The following VASH2 variants were observed in gnomAD, a reference collection of about 807,000 sequenced individuals.
VASH2 encodes tubulinyl-Tyr carboxypeptidase 2.
In VASH2, 28 loss-of-function variants were observed where a neutral mutation model predicts 37.2. The observed-to-expected ratio is 0.75, with a 90% CI of 0.56 to 1.03. VASH2 has a LOEUF of 1.03. Among genes scored for constraint, VASH2 ranks in the 50% least tolerant of loss-of-function variants. VASH2 has a pLI of 0.00. For synonymous variants in VASH2, 188 were observed against 174.7 expected, an observed-to-expected ratio of 1.08 and a Z score of -0.60; for missense variants, 419 against 459.1, an observed-to-expected ratio of 0.91 and a Z score of 0.80.
At chr1:212,964,845 A>C (rs1187972764) in intron 3 of VASH2, among the ~76,000 whole-genome samples, 1 of 151,260 alleles carries the variant, frequency 6.6e-6, no homozygotes, top group Non-Finnish European at 1.5e-5. Flanking sequence ...ATCCATCCAT[A>C]TATTCATCCA....
intron 5 of VASH2, 111 bp from the exon 6 acceptor site, chr1:212,972,469 T>C (rs1416045812): frequency 1.5e-6 from 2 of 1,361,864 alleles, no homozygotes; most frequent in Non-Finnish European, 2.0e-6. Flanking sequence ...GTGGGCCTGC[T>C]CAGAGGCAGG....
chr1:212,965,843 T>C (rs955268992), intron 4 of VASH2, 65 bp downstream of exon 4: 9 of 1,443,520 alleles, frequency 6.2e-6, no homozygotes, highest in South Asian at 3.7e-5. Context: ...CAGCTTCCTC[T>C]CCCAACCTCT....
chr1:212,953,235 G>A (rs76293249), intron 2 of VASH2, among the ~76,000 whole-genome samples: 3 of 151,664 alleles, frequency 2.0e-5, no homozygotes, highest in Non-Finnish European at 2.9e-5. Flanking sequence ...GTGCGCGGGG[G>A]GGGGTGCATT....
At chr1:212,954,710 G>T (rs929889272) in intron 2 of VASH2, among the ~76,000 whole-genome samples, 5 of 152,106 alleles carry the variant, frequency 3.3e-5, no homozygotes, top group African/African-American at 7.2e-5. Flanking sequence ...GAGCCACTGC[G>T]CCCAGCTGGT....
At chr1:212,977,079 A>G (rs2935217) in intron 7 of VASH2, among the ~76,000 whole-genome samples, 150,552 of 152,138 alleles carry the variant, frequency 0.99, 74,517 homozygotes, top group East Asian at 1. Flanking sequence ...AAGGAGAAGC[A>G]CTATGCACTG....
intron 7 of VASH2, among the ~76,000 whole-genome samples, chr1:212,976,309 G>C (rs938728291): frequency 6.6e-6 from 1 of 152,184 alleles, no homozygotes. Flanking sequence ...GGCTGGGCAT[G>C]GTGGTTCACA....
chr1:212,975,796 C>G (rs971186624), intron 7 of VASH2, among the ~76,000 whole-genome samples: 1 of 152,206 alleles, frequency 6.6e-6, no homozygotes, highest in Non-Finnish European at 1.5e-5. Flanking sequence ...CAATCTTCAG[C>G]AAATGTCGAG....
chr1:212,985,480 C>T (rs1335357124), intron 7 of VASH2, among the ~76,000 whole-genome samples: 2 of 150,278 alleles, frequency 1.3e-5, no homozygotes, highest in Non-Finnish European at 3.0e-5. Context: ...AGTGCAGTGG[C>T]ACGATCTTGG....
rs561120862 is a variant in VASH2 at position 212,989,926 on chromosome 1, T to C, written c.*1342T>C. The C allele has an allele frequency of 3.3e-5, 5 of 152,304 alleles. No homozygotes were observed. Among genetic ancestry groups the C allele is most frequent in the African/African-American group, 9.6e-5 (4 of 41,572 alleles). 9.4% of individuals were successfully genotyped at this position (152,304 alleles called of 1,614,324 possible). On this transcript the variant is annotated 3_prime_UTR_variant, in exon 8 of 8. Coordinates refer to ENST00000517399, the MANE Select transcript of VASH2 (RefSeq NM_001301056.2). ...AGAGTACAGCTTCAATTTCATTTGCTTTATCTTAGCAACAATGCCAACTCA... is the reference window on the plus strand; with the variant it reads ...AGAGTACAGCTTCAATTTCATTTGCCTTATCTTAGCAACAATGCCAACTCA...
chr1:212,983,423 A>G (rs956370738), intron 7 of VASH2, among the ~76,000 whole-genome samples: 1 of 152,222 alleles, frequency 6.6e-6, no homozygotes, highest in African/African-American at 2.4e-5. Context: ...GGAAAGAAAG[A>G]GAGCAAGCAC....
rs1360724017 is a variant in VASH2 at position 212,965,587 on chromosome 1, C to A, written c.366-135C>A. The stretch of plus-strand genomic sequence containing the variant: ...AGGAGTTAGAGGCTACTACTAGCTA[C>A]CTTCTGGGTGCTGGCGACTTCTGAA... On this transcript the variant is annotated intron_variant, in intron 3 of 7. Coordinates refer to ENST00000517399, the MANE Select transcript of VASH2 (RefSeq NM_001301056.2). 37 of 713,676 alleles carry A rather than the reference C, an allele frequency of 5.2e-5. No homozygotes were observed. The South Asian group carries it at 6.1e-4, about 12-fold the overall frequency. 44.2% of individuals were successfully genotyped at this position (713,676 alleles called of 1,614,324 possible).
Position 212,951,432 on chromosome 1 carries a change from C to T in VASH2, c.-111C>T. ...AGCGAGAGGCATGGAGAAGGCCGCC[C>T]CCGCGGGGCGCTGATCCCCTCGCCG... On this transcript the variant is annotated 5_prime_UTR_variant, in exon 2 of 8. Coordinates refer to ENST00000517399, the MANE Select transcript of VASH2 (RefSeq NM_001301056.2). This position sits in a 1 kb window ranked among gnomAD's most constrained non-coding sequence, Gnocchi z 4.4. 1 of 546,168 alleles carries T rather than the reference C, an allele frequency of 1.8e-6. No homozygotes were observed. Among genetic ancestry groups the T allele is most frequent in the Non-Finnish European group, 2.4e-6 (1 of 424,862 alleles). The allele number at this position is 546,168 out of a possible 1,614,324, so 33.8% of individuals were successfully genotyped here.
At chr1:212,962,492 C>T (rs1160950939) in intron 3 of VASH2, among the ~76,000 whole-genome samples, 3 of 152,192 alleles carry the variant, frequency 2.0e-5, no homozygotes, top group African/African-American at 7.2e-5. Context: ...ACACATGCCC[C>T]ACATGTCCCA....
chr1:212,988,521 G>A lies in VASH2; in HGVS notation c.1005G>A (p.Leu335=). 2 of 1,614,084 alleles carry A rather than the reference G, an allele frequency of 1.2e-6. No individual in the cohort carries two copies. The highest frequency in any genetic ancestry group is 1.3e-5 in the African/African-American group (1 of 75,016). Residue 335 remains leucine (L), a synonymous_variant, in exon 8 of 8, where the codon CTG becomes CTA. Coordinates refer to ENST00000517399, the MANE Select transcript of VASH2 (RefSeq NM_001301056.2). Reference sequence around the variant, plus strand: ...TGTCTTTTACCCTTAGGCCTGCACTGCCTGAAAAGAAGGTGGCTGATCTGA... The same window carrying A: ...TGTCTTTTACCCTTAGGCCTGCACTACCTGAAAAGAAGGTGGCTGATCTGA... ...RLGRREKSPA[L]PEKKVADLST... is the part of the protein sequence containing the mutation.
chr1:212,987,486 A>G (rs1013967497), intron 7 of VASH2, among the ~76,000 whole-genome samples: 1 of 152,188 alleles, frequency 6.6e-6, no homozygotes, highest in African/African-American at 2.4e-5. Flanking sequence ...AGGCAGGAGA[A>G]TCACTTGAAC....
chr1:212,964,174 C>A (rs1006996210), intron 3 of VASH2, among the ~76,000 whole-genome samples: 27 of 152,212 alleles, frequency 1.8e-4, no homozygotes, highest in African/African-American at 6.3e-4. Flanking sequence ...TGCTCCATGG[C>A]CTGAAATCAG....
chr1:212,982,653 T>A (rs1192288063), intron 7 of VASH2, among the ~76,000 whole-genome samples: 1 of 150,054 alleles, frequency 6.7e-6, no homozygotes, highest in Non-Finnish European at 1.5e-5. Context: ...CATGCTGTGA[T>A]AACCTACTTC....
At chr1:212,987,333 TG>T (rs1667509341) in intron 7 of VASH2, among the ~76,000 whole-genome samples, 1 of 152,028 alleles carries the variant, frequency 6.6e-6, no homozygotes. Context: ...CCCAGCACTT[TG>T]GGAGACCGAG....
At chr1:212,966,998 G>A in intron 5 of VASH2, 1 of 782,686 alleles carries the variant, frequency 1.3e-6, no homozygotes, top group Non-Finnish European at 1.9e-6. Flanking sequence ...GCCCACCTCA[G>A]CCTCCCAAAG....
Sources: allele counts gnomAD v4.1 joint callset (sites outside exome capture counted in the v4.1 genomes callset), GRCh38; gene constraint gnomAD v4.1.1; non-coding constraint Gnocchi (gnomAD v3.1); transcripts MANE v1.5; gene names NCBI Gene and HGNC (gene_info 2026-07-23, HGNC 2026-07-21).